BNC2: variants seen among roughly 807,000 people sequenced by gnomAD.
BNC2 encodes basonuclin zinc finger protein 2, also known as zinc finger protein basonuclin-2.
A neutral mutation model predicts 76.3 loss-of-function variants in BNC2; 20 were observed. The observed-to-expected ratio is 0.26, with a 90% CI of 0.18 to 0.38. The LOEUF (loss-of-function observed/expected upper bound fraction) is 0.38. Among genes scored for constraint, BNC2 ranks in the 10% least tolerant of loss-of-function variants. The pLI, the probability that BNC2 is intolerant of heterozygous loss-of-function variation, is 1.00. For missense variants in BNC2, 1,382 were observed against 1,399.8 expected (o/e 0.99, Z 0.20); for synonymous variants, 582 against 514.8 (o/e 1.13, Z -1.77).
intron 1 of BNC2, among the ~76,000 whole-genome samples, chr9:16,807,353 A>G (rs1817939683): frequency 6.6e-6 from 1 of 152,250 alleles, no homozygotes; most frequent in African/African-American, 2.4e-5. Flanking sequence ...GACAGAAACT[A>G]TCATTTTATT....
intron 3 of BNC2, among the ~76,000 whole-genome samples, chr9:16,701,195 C>G (rs1299414163): frequency 6.6e-6 from 1 of 152,130 alleles, no homozygotes; most frequent in Admixed American, 6.5e-5. Flanking sequence ...TGATTTTTAT[C>G]AGTTCTACAT....
At chr9:16,849,641 G>A (rs1819079043) in intron 1 of BNC2, among the ~76,000 whole-genome samples, 1 of 152,088 alleles carries the variant, frequency 6.6e-6, no homozygotes, top group African/African-American at 2.4e-5. Flanking sequence ...CTATAGGCGT[G>A]AGCCACCGCA....
chr9:16,422,732 C>T (rs572224158), intron 6 of BNC2, among the ~76,000 whole-genome samples: 19 of 152,260 alleles, frequency 1.2e-4, no homozygotes, highest in African/African-American at 3.9e-4. Context: ...GGAAAGCAGA[C>T]TAAAATTCTT....
intron 2 of BNC2, among the ~76,000 whole-genome samples, chr9:16,728,816 TATTA>T (rs1441378623): frequency 6.6e-6 from 1 of 152,094 alleles, no homozygotes; most frequent in Non-Finnish European, 1.5e-5. Context: ...TACCTCAGGC[TATTA>T]ATTACTAAAC....
At chr9:16,532,086 T>C (rs1817994079) in intron 5 of BNC2, among the ~76,000 whole-genome samples, 1 of 152,024 alleles carries the variant, frequency 6.6e-6, no homozygotes, top group Admixed American at 6.6e-5. Flanking sequence ...TGTTAACACA[T>C]AAATTATCAA....
chr9:16,452,374 T>G (rs1347728032), intron 5 of BNC2, among the ~76,000 whole-genome samples: 2 of 152,130 alleles, frequency 1.3e-5, no homozygotes, highest in African/African-American at 4.8e-5. Flanking sequence ...AATAAATGAA[T>G]TAAATGAGCC....
chr9:16,537,590 T>C (rs1818170026), intron 5 of BNC2, among the ~76,000 whole-genome samples: 1 of 152,202 alleles, frequency 6.6e-6, no homozygotes. Flanking sequence ...CTTGACTTTC[T>C]ATTAATATAA....
intron 3 of BNC2, among the ~76,000 whole-genome samples, chr9:16,638,127 T>C (rs1821381882): frequency 6.6e-6 from 1 of 152,114 alleles, no homozygotes; most frequent in Admixed American, 6.6e-5. Flanking sequence ...AGTCTGGGAG[T>C]CTTGTAGGAA....
intron 1 of BNC2, chr9:16,868,045 G>C (rs1586948383): frequency 6.6e-6 from 1 of 152,176 alleles, no homozygotes; most frequent in Admixed American, 6.5e-5. Context: ...GTTAGCAGGG[G>C]ACTGCGGCTG....
chr9:16,514,940 T>C (rs890690622), intron 5 of BNC2, among the ~76,000 whole-genome samples: 3 of 152,200 alleles, frequency 2.0e-5, no homozygotes, highest in African/African-American at 7.2e-5. Flanking sequence ...AACCACCACA[T>C]TGATTACTGA....
chr9:16,640,784 G>C (rs562821406), intron 3 of BNC2, among the ~76,000 whole-genome samples: 5 of 152,302 alleles, frequency 3.3e-5, no homozygotes, highest in African/African-American at 1.2e-4. Flanking sequence ...AGCTAGGGAA[G>C]AGTCCAAACT....
chr9:16,636,866 G>C (rs988253496), intron 3 of BNC2, among the ~76,000 whole-genome samples: 3 of 152,048 alleles, frequency 2.0e-5, no homozygotes, highest in South Asian at 2.1e-4. Flanking sequence ...AACTAGAAGA[G>C]TGTTCATGCA....
chr9:16,861,556 T>A (rs1452334620), intron 1 of BNC2, among the ~76,000 whole-genome samples: 1 of 151,882 alleles, frequency 6.6e-6, no homozygotes, highest in African/African-American at 2.4e-5. Context: ...AAATGGCCAA[T>A]AAAGTGCATA....
Position 16,729,717 on chromosome 9 carries a change from G to C in BNC2, c.130-1720C>G, listed in dbSNP as rs188007825. ...GGGGGAGGGCAGGAAAATCCCCTAC[G>C]AGTCAATTGTCAACAGTGACTGTAC... is the stretch of plus-strand genomic sequence containing the variant. On this transcript the variant is annotated intron_variant, in intron 2 of 6. Transcript: ENST00000380672. Among the ~76,000 whole-genome samples, 344 of 152,180 alleles carry C rather than the reference G, an allele frequency of 2.3e-3. 2 individuals carry two copies. Among genetic ancestry groups the C allele is most frequent in the Admixed American group, 0.02 (306 of 15,286 alleles).
intron 3 of BNC2, among the ~76,000 whole-genome samples, chr9:16,658,957 A>G (rs1822014463): frequency 6.6e-6 from 1 of 152,228 alleles, no homozygotes; most frequent in Non-Finnish European, 1.5e-5. Flanking sequence ...AAAATACATT[A>G]CGCCGATACA....
intron 3 of BNC2, among the ~76,000 whole-genome samples, chr9:16,606,754 C>T (rs994533858): frequency 2.0e-5 from 3 of 152,164 alleles, no homozygotes; most frequent in Non-Finnish European, 2.9e-5. Flanking sequence ...GACGAGGTTT[C>T]GCCACGTTGG....
Position 16,437,061 on chromosome 9 carries a change from T to C in BNC2, c.1133A>G (p.Asn378Ser). 1 of 1,614,106 alleles carries C rather than the reference T, an allele frequency of 6.2e-7. No homozygotes were observed. The highest frequency in any genetic ancestry group is 8.5e-7 in the Non-Finnish European group (1 of 1,180,012). Residue 378 changes from asparagine to serine, a missense_variant, in exon 6 of 7, where the codon AAT becomes AGT. This residue lies in a region of BNC2 where 557 missense variants were observed against 540.9 expected (regional missense o/e 1.03). Coordinates refer to ENST00000380672, the MANE Select transcript of BNC2 (RefSeq NM_017637.6). ...ESEVSPTPYK[N>S]DQTPNRNALT... ...GGCATTTCTATTGGGTGTTTGATCATTCTTATAAGGTGTGGGAGAAACTTC... is the reference window on the plus strand; with the variant it reads ...GGCATTTCTATTGGGTGTTTGATCACTCTTATAAGGTGTGGGAGAAACTTC...
At chr9:16,581,461 G>C (rs981344800) in intron 4 of BNC2, among the ~76,000 whole-genome samples, 5 of 152,200 alleles carry the variant, frequency 3.3e-5, no homozygotes, top group African/African-American at 9.6e-5. Context: ...AGAAGGCTGA[G>C]GAAGGAGAAC....
In BNC2 at chr9:16,418,831, G is replaced by GAA. The variant is rs766535936; in HGVS notation, c.*156_*157dup. On this transcript the variant is annotated 3_prime_UTR_variant, in exon 7 of 7. Transcript: ENST00000380672. ...TAGTGTTTATCTTGTTTATCTCAAG[G>GAA]AAATACGTGTGTGTATATGTAGCCA... 14 of 799,826 alleles carry GAA rather than the reference G, an allele frequency of 1.8e-5. No homozygotes were observed. The highest frequency in any genetic ancestry group is 2.8e-5 in the Non-Finnish European group (14 of 494,574). 49.5% of individuals were successfully genotyped at this position (799,826 alleles called of 1,614,324 possible).
Sources: allele counts gnomAD v4.1 joint callset (sites outside exome capture counted in the v4.1 genomes callset), GRCh38; gene constraint gnomAD v4.1.1; regional missense constraint gnomAD v4.1.1; transcripts MANE v1.5; gene names NCBI Gene and HGNC (gene_info 2026-07-23, HGNC 2026-07-21).